NRXN1: variants seen among roughly 807,000 people sequenced by gnomAD.
The protein encoded by NRXN1 is neurexin 1, also known as neurexin-1.
Under a neutral mutation model 150.9 loss-of-function variants are expected in NRXN1, and 39 were observed. That is an observed-to-expected ratio of 0.26 (90% confidence interval 0.20 to 0.34). The LOEUF (loss-of-function observed/expected upper bound fraction) is 0.34. Among genes scored for constraint, NRXN1 ranks in the 10% least tolerant of loss-of-function variants. The probability of loss-of-function intolerance (pLI) is 1.00; values close to 1 mark genes in which losing one functional copy is unlikely to be tolerated. For missense variants in NRXN1, 1,815 were observed against 1,949.9 expected, an observed-to-expected ratio of 0.93 and a Z score of 1.30; for synonymous variants, 924 against 757.0, an observed-to-expected ratio of 1.22 and a Z score of -3.62.
At chr2:50,502,968 A>G (rs974394303) in intron 13 of NRXN1, among the ~76,000 whole-genome samples, 1 of 152,120 alleles carries the variant, frequency 6.6e-6, no homozygotes, top group Non-Finnish European at 1.5e-5. Flanking sequence ...CTAGGGGCGA[A>G]GTGTGGTAGA....
chr2:49,966,934 T>G (rs1433504542), intron 21 of NRXN1, among the ~76,000 whole-genome samples: 1 of 152,156 alleles, frequency 6.6e-6, no homozygotes, highest in Non-Finnish European at 1.5e-5. Flanking sequence ...AACAAAGAAC[T>G]GCTTTCCTGT....
intron 18 of NRXN1, among the ~76,000 whole-genome samples, chr2:50,213,789 C>T (rs1316235928): frequency 6.6e-6 from 1 of 151,848 alleles, no homozygotes; most frequent in African/African-American, 2.4e-5. Context: ...TTGGTTTCAA[C>T]TTTTTTCATC....
intron 12 of NRXN1, among the ~76,000 whole-genome samples, chr2:50,519,222 T>C (rs1400732189): frequency 6.6e-6 from 1 of 151,956 alleles, no homozygotes; most frequent in Non-Finnish European, 1.5e-5. Flanking sequence ...AGCAATGATA[T>C]AATTATTAGC....
chr2:50,406,313 G>T (rs1024314694), intron 17 of NRXN1, among the ~76,000 whole-genome samples: 2 of 152,024 alleles, frequency 1.3e-5, no homozygotes, highest in African/African-American at 2.4e-5. Context: ...GGAAAAAAAA[G>T]AATAAAAAGT....
Position 50,832,652 on chromosome 2 carries a change from C to G in NRXN1, c.832+89217G>C, listed in dbSNP as rs181723597. 1.2e-3 allele frequency among the ~76,000 whole-genome samples: 175 copies of G among 151,638 alleles called. 1 individual carries two copies. The highest frequency in any genetic ancestry group is 0.01 in the Middle Eastern group (3 of 294). On this transcript the variant is annotated intron_variant, in intron 5 of 22. Transcript: ENST00000401669. ...TCCAGCTTGGGCGACAGAGTGAGAT[C>G]CCGTCTCAAAAACAAACAAACAAAC...
intron 21 of NRXN1, among the ~76,000 whole-genome samples, chr2:49,968,427 G>A (rs1677335768): frequency 1.3e-5 from 2 of 151,984 alleles, no homozygotes; most frequent in African/African-American, 2.4e-5. Context: ...GCATGAAACC[G>A]GCTTTTAAGA....
chr2:50,361,992 CA>C (rs2079245375), intron 17 of NRXN1, among the ~76,000 whole-genome samples: 1 of 152,098 alleles, frequency 6.6e-6, no homozygotes. Flanking sequence ...GAACCAAAGA[CA>C]AAAAACACAT....
intron 2 of NRXN1, among the ~76,000 whole-genome samples, chr2:50,974,076 T>C: frequency 6.6e-6 from 1 of 152,164 alleles, no homozygotes; most frequent in Middle Eastern, 3.2e-3. Context: ...CTCTAAGTGA[T>C]CCAAGTTTCC....
At chr2:49,995,527 A>C (rs1264315197) in intron 21 of NRXN1, among the ~76,000 whole-genome samples, 4 of 151,876 alleles carry the variant, frequency 2.6e-5, no homozygotes, top group Middle Eastern at 6.4e-3. Context: ...CACGCCTCTA[A>C]TCCCAGCACT....
At chr2:50,815,169 T>A (rs1416208630) in intron 5 of NRXN1, among the ~76,000 whole-genome samples, 1 of 152,154 alleles carries the variant, frequency 6.6e-6, no homozygotes, top group African/African-American at 2.4e-5. Context: ...AGTAATTATG[T>A]TCCTTCTCAT....
At chr2:50,451,872 T>C (rs144816488) in intron 17 of NRXN1, among the ~76,000 whole-genome samples, 166 of 152,340 alleles carry the variant, frequency 1.1e-3, no homozygotes, top group African/African-American at 3.8e-3. Context: ...TCCTAGTTTA[T>C]TGCTGATGTT....
At chr2:49,959,913 T>G (rs1413370982) in intron 21 of NRXN1, among the ~76,000 whole-genome samples, 1 of 152,162 alleles carries the variant, frequency 6.6e-6, no homozygotes, top group Middle Eastern at 3.2e-3. Flanking sequence ...GCCTAGCATA[T>G]TGTGAAGTGG....
chr2:50,431,126 A>G (rs951523206), intron 17 of NRXN1, among the ~76,000 whole-genome samples: 3 of 151,942 alleles, frequency 2.0e-5, no homozygotes, highest in Non-Finnish European at 2.9e-5. Context: ...ACCTGATCTG[A>G]TCTCTTCTTC....
At chr2:50,425,184 T>A (rs564799677) in intron 17 of NRXN1, among the ~76,000 whole-genome samples, 12 of 152,342 alleles carry the variant, frequency 7.9e-5, no homozygotes, top group African/African-American at 2.6e-4. Context: ...GATCCTAAGA[T>A]GCAACACTAA....
chr2:51,017,503 CTTTTTTTTTTT>C (rs70958638), intron 2 of NRXN1, among the ~76,000 whole-genome samples: 1,453 of 44,190 alleles, frequency 0.033, 25 homozygotes, highest in East Asian at 0.19. Flanking sequence ...CCACATCTGG[CTTTTTTTTTTT>C]TTTTTTTTTT....
chr2:50,494,833 G>C (rs969520806), intron 15 of NRXN1, among the ~76,000 whole-genome samples: 1 of 152,194 alleles, frequency 6.6e-6, no homozygotes, highest in South Asian at 2.1e-4. Flanking sequence ...AGGAGTTCAA[G>C]AGCAGCCTGA....
chr2:50,256,629 T>C (rs1242972703), intron 17 of NRXN1, among the ~76,000 whole-genome samples: 1 of 152,132 alleles, frequency 6.6e-6, no homozygotes, highest in Non-Finnish European at 1.5e-5. Context: ...TGTTTACCCC[T>C]ATCCACTTTA....
intron 8 of NRXN1, among the ~76,000 whole-genome samples, chr2:50,610,781 T>C (rs935917964): frequency 1.4e-5 from 2 of 145,204 alleles, no homozygotes; most frequent in African/African-American, 5.1e-5. Context: ...TGTATATATA[T>C]ACACACACAC....
chr2:50,047,608 A>T (rs1351369908), intron 21 of NRXN1, among the ~76,000 whole-genome samples: 1 of 152,076 alleles, frequency 6.6e-6, no homozygotes. Context: ...AGTTTTATGA[A>T]ATTGATACCT....
Sources: allele counts gnomAD v4.1 joint callset (sites outside exome capture counted in the v4.1 genomes callset), GRCh38; gene constraint gnomAD v4.1.1; transcripts MANE v1.5; gene names NCBI Gene and HGNC (gene_info 2026-07-23, HGNC 2026-07-21).